THEMIS: variants seen among roughly 807,000 people sequenced by gnomAD.
THEMIS encodes thymocyte selection associated.
THEMIS carries 37 observed loss-of-function variants against 52.6 expected under a neutral mutation model. That is an observed-to-expected ratio of 0.70 (90% CI 0.54 to 0.93). The LOEUF (loss-of-function observed/expected upper bound fraction) is 0.93. Among genes scored for constraint, THEMIS ranks in the 40% least tolerant of loss-of-function variants. The pLI is 0.00. For synonymous variants in THEMIS, 292 were observed against 272.7 expected (o/e 1.07, Z -0.70); for missense variants, 808 against 763.1 (o/e 1.06, Z -0.69).
intron 2 of THEMIS, among the ~76,000 whole-genome samples, chr6:127,839,548 G>A (rs1778976990): frequency 6.6e-6 from 1 of 151,738 alleles, no homozygotes; most frequent in South Asian, 2.1e-4. Flanking sequence ...TTTCACCCAG[G>A]CTGGAGTGTA....
At chr6:127,766,836 T>G (rs1188009376) in intron 4 of THEMIS, among the ~76,000 whole-genome samples, 1 of 152,172 alleles carries the variant, frequency 6.6e-6, no homozygotes, top group Non-Finnish European at 1.5e-5. Flanking sequence ...GGAAGTTGCT[T>G]TGGATGAGTC....
At chr6:127,910,252 G>T (rs1426223428) in intron 1 of THEMIS, among the ~76,000 whole-genome samples, 2 of 152,066 alleles carry the variant, frequency 1.3e-5, no homozygotes, top group Non-Finnish European at 2.9e-5. Context: ...TACCTTCTCA[G>T]TGTCTCTTTT....
chr6:127,699,385 A>G, the THEMIS span, among the ~76,000 whole-genome samples: 2 of 151,170 alleles, frequency 1.3e-5, no homozygotes, highest in African/African-American at 4.9e-5. Flanking sequence ...TCTCAGATGT[A>G]ATATTTCAAT....
intron 5 of THEMIS, among the ~76,000 whole-genome samples, chr6:127,713,429 G>A (rs1774050202): frequency 6.6e-6 from 1 of 151,804 alleles, no homozygotes; most frequent in East Asian, 1.9e-4. Context: ...AATACTTACT[G>A]TGAACCTCTT....
chr6:127,794,540 C>T (rs1777263250), intron 4 of THEMIS, among the ~76,000 whole-genome samples: 1 of 152,186 alleles, frequency 6.6e-6, no homozygotes, highest in Non-Finnish European at 1.5e-5. Context: ...GTTGTCCATG[C>T]TGGTCTTCTA....
At position 127,774,062 on chromosome 6, in the gene THEMIS, ATC is replaced by A. The variant is rs537255150; in HGVS notation, c.1758+38819_1758+38820del. Among the ~76,000 whole-genome samples, 26 of 152,348 alleles carry A rather than the reference ATC, an allele frequency of 1.7e-4. 1 individual carries two copies. The East Asian group carries it at 5.0e-3, about 29-fold the overall frequency. On this transcript the variant is annotated intron_variant, in intron 4 of 5. Transcript: ENST00000368248. ...GGCACTTTGGTGAAGAAAGCTGAGT[ATC>A]TCAGCTCAGCTGCTGGGATGCTGTG...
rs77426556 is a variant in THEMIS, at chr6:127,820,377, C to T, written c.710-6446G>A. 1.0e-3 allele frequency among the ~76,000 whole-genome samples: 155 copies of T among 151,884 alleles called. 1 individual carries two copies. The East Asian group carries it at 0.027, about 27-fold the overall frequency. ...GGTATAATCCAGATGGCAAGGACAC[C>T]GTGATCAATGATAAGAAGGGAAATT... On this transcript the variant is annotated intron_variant, in intron 3 of 5. Transcript: ENST00000368248.
chr6:127,764,247 T>C (rs1456913741), intron 4 of THEMIS, among the ~76,000 whole-genome samples: 1 of 152,006 alleles, frequency 6.6e-6, no homozygotes, highest in Admixed American at 6.6e-5. Flanking sequence ...ACCCATTTTC[T>C]GTATTTTTTT....
At chr6:127,910,452 T>C (rs1781383126) in intron 1 of THEMIS, among the ~76,000 whole-genome samples, 1 of 152,166 alleles carries the variant, frequency 6.6e-6, no homozygotes, top group Non-Finnish European at 1.5e-5. Context: ...TAGCAAGTAT[T>C]CAAAAGTAAT....
chr6:127,728,611 G>A (rs1550944), intron 4 of THEMIS, among the ~76,000 whole-genome samples: 66,345 of 152,004 alleles, frequency 0.44, 16,240 homozygotes, highest in Non-Finnish European at 0.57. Context: ...CAGCAAGTAT[G>A]CAATGAGCAA....
chr6:127,810,842 G>A (rs1777880177), intron 4 of THEMIS, among the ~76,000 whole-genome samples: 1 of 151,152 alleles, frequency 6.6e-6, no homozygotes, highest in Admixed American at 6.6e-5. Flanking sequence ...AATGAGACGT[G>A]AGATGCAGGA....
At chr6:127,727,260 T>C (rs1021858046) in intron 4 of THEMIS, among the ~76,000 whole-genome samples, 3 of 152,188 alleles carry the variant, frequency 2.0e-5, no homozygotes, top group African/African-American at 7.2e-5. Flanking sequence ...TGGGAAATCA[T>C]AACTCTTAGA....
At chr6:127,697,479 A>G in the THEMIS span, among the ~76,000 whole-genome samples, 2 of 152,288 alleles carry the variant, frequency 1.3e-5, no homozygotes, top group African/African-American at 4.8e-5. Context: ...AGAAACCATC[A>G]GTTTCTCAAA....
intron 1 of THEMIS, among the ~76,000 whole-genome samples, chr6:127,862,674 C>A (rs1363655721): frequency 6.6e-6 from 1 of 151,796 alleles, no homozygotes; most frequent in African/African-American, 2.4e-5. Context: ...CCCACCTCGG[C>A]CTCCCAAAGT....
chr6:127,847,431 C>T (rs1779257164), intron 2 of THEMIS, among the ~76,000 whole-genome samples: 1 of 151,926 alleles, frequency 6.6e-6, no homozygotes. Flanking sequence ...ACAAATTTAG[C>T]AAAGTCTCAG....
At chr6:127,885,230 G>A (rs191303424) in intron 1 of THEMIS, among the ~76,000 whole-genome samples, 2 of 152,174 alleles carry the variant, frequency 1.3e-5, no homozygotes, top group Admixed American at 1.3e-4. Flanking sequence ...TATTCCCTGA[G>A]AAGTTTCTGA....
chr6:127,792,763 A>T (rs570126138), intron 4 of THEMIS, among the ~76,000 whole-genome samples: 1 of 152,336 alleles, frequency 6.6e-6, no homozygotes, highest in African/African-American at 2.4e-5. Context: ...GGTCTGGCAG[A>T]GCTTTAAAGA....
At chr6:127,900,357 G>T (rs1781099581) in intron 1 of THEMIS, among the ~76,000 whole-genome samples, 1 of 151,952 alleles carries the variant, frequency 6.6e-6, no homozygotes, top group Non-Finnish European at 1.5e-5. Flanking sequence ...GGAATTTGGA[G>T]TTAGGCCACT....
chr6:127,711,116 G>C (rs1773967022), intron 5 of THEMIS, among the ~76,000 whole-genome samples: 1 of 144,890 alleles, frequency 6.9e-6, no homozygotes, highest in Admixed American at 7.0e-5. Flanking sequence ...TTATTTTTCT[G>C]TAACACTAGC....
Sources: gnomAD v4.1 joint callset for allele counts (sites outside exome capture counted in the v4.1 genomes callset) on GRCh38, gnomAD v4.1.1 for gene constraint, MANE v1.5 for transcripts, NCBI Gene and HGNC (gene_info 2026-07-23, HGNC 2026-07-21) for gene names.